Variants in GNAS observed in about 807,000 individuals in gnomAD.
The protein encoded by GNAS is GNAS complex locus.
In GNAS, 8 loss-of-function variants were observed where a neutral mutation model predicts 54.5. The ratio of observed to expected loss-of-function variants is 0.15; its 90% CI spans 0.09 to 0.26. The LOEUF (loss-of-function observed/expected upper bound fraction) is 0.26, where lower values mean the gene tolerates loss of function less well. GNAS is among the 10% of genes least tolerant of loss of function. GNAS has a pLI of 1.00. For missense variants in GNAS, 170 were observed against 529.8 expected (o/e 0.32, Z 6.67); for synonymous variants, 204 against 191.4 (o/e 1.07, Z -0.54).
intron 1 of GNAS, among the ~76,000 whole-genome samples, chr20:58,870,262 A>G (rs1184654359): frequency 6.6e-6 from 1 of 152,190 alleles, no homozygotes; most frequent in Non-Finnish European, 1.5e-5. Flanking sequence ...CTTTCCTACA[A>G]CATGATTCTC....
upstream of GNAS, among the ~76,000 whole-genome samples, chr20:58,889,991 G>A (rs1253331263): frequency 6.6e-6 from 1 of 151,424 alleles, no homozygotes; most frequent in Admixed American, 6.6e-5. Context: ...CTGCGGCGTT[G>A]GCCGAGCCGA....
chr20:58,861,105 T>G (rs947396351), intron 1 of GNAS, among the ~76,000 whole-genome samples: 1 of 152,222 alleles, frequency 6.6e-6, no homozygotes, highest in Admixed American at 6.5e-5. Context: ...CCCAGCAAAA[T>G]TGTGGCTCTT....
intron 1 of GNAS, among the ~76,000 whole-genome samples, chr20:58,859,141 A>G (rs1163070257): frequency 6.6e-6 from 1 of 152,150 alleles, no homozygotes; most frequent in African/African-American, 2.4e-5. Context: ...GAAAAGGAAA[A>G]TCTCACTGCT....
chr20:58,852,701 G>C (rs1047746481), intron 1 of GNAS: 1 of 199,212 alleles, frequency 5.0e-6, no homozygotes, highest in Non-Finnish European at 1.0e-5. Flanking sequence ...CTGGCCAGCG[G>C]AGAAGCGAGG....
At position 58,840,905 on chromosome 20, in the gene GNAS, AACTGGGG is replaced by A. The variant is rs1224959871; in HGVS notation, c.43+21_43+27del. The A allele has an allele frequency of 6.2e-7, 1 of 1,611,738 alleles. No homozygotes were observed. The highest frequency in any genetic ancestry group is 8.5e-7 in the Non-Finnish European group (1 of 1,179,476). ...GATTCAGGTTAGTTGCCCACCGCTA[AACTGGGG>A]AGCCTGAGGGCGGTGTGGGAGCAGC... On this transcript the variant is annotated intron_variant, in intron 1 of 12. Coordinates refer to the GNAS transcript ENST00000306090. The surrounding 1 kb of genome is among the most constrained non-coding windows in gnomAD (Gnocchi z 6.0).
At position 58,856,479 on chromosome 20, in the gene GNAS, G is replaced by T. The variant is rs1374043249; in HGVS notation, c.43+15593G>T. On this transcript the variant is annotated intron_variant, in intron 1 of 12. Coordinates refer to the GNAS transcript ENST00000306090. The surrounding 1 kb of genome is among the most constrained non-coding windows in gnomAD (Gnocchi z 4.2). Reference sequence around the variant, plus strand: ...AGGGGCTTGGTTTAAAAAGATGGGGGTTATGTGTTGTGAGTGGAATGTCAC... The same window carrying T: ...AGGGGCTTGGTTTAAAAAGATGGGGTTTATGTGTTGTGAGTGGAATGTCAC... 6.6e-6 allele frequency: 1 copy of T among 152,662 alleles called. No homozygotes were observed. Among genetic ancestry groups the T allele is most frequent in the Non-Finnish European group, 1.5e-5 (1 of 68,058 alleles). 9.5% of individuals were successfully genotyped at this position (152,662 alleles called of 1,614,324 possible). A position where few individuals can be genotyped will look rare whatever the true frequency, so the allele number is the denominator to read the frequency against.
At chr20:58,892,067 CG>C (rs1276645106) in intron 1 of GNAS, 3 of 855,254 alleles carry the variant, frequency 3.5e-6, no homozygotes, top group African/African-American at 1.8e-5. Context: ...AAAAACGGGG[CG>C]GGGGGCCGTG....
rs759196471 is a variant in GNAS, at chr20:58,891,858, G to A, written c.132G>A (p.Leu44=). Residue 44 remains leucine (L), a synonymous_variant, in exon 1 of 13, where the codon CTG becomes CTA. Transcript: ENST00000371085. ...KQVYRATHRL[L]LLGAGESGKS... ...TCTACCGGGCCACGCACCGCCTGCT[G>A]CTGCTGGGTAAGGGCGGGCGGGGGG... 4 of 1,225,536 alleles carry A rather than the reference G, an allele frequency of 3.3e-6. No individual in the cohort carries two copies. Among genetic ancestry groups the A allele is most frequent in the African/African-American group, 1.6e-5 (1 of 62,184 alleles). 75.9% of individuals were successfully genotyped at this position (1,225,536 alleles called of 1,614,324 possible). A position where few individuals can be genotyped will look rare whatever the true frequency, so the allele number is the denominator to read the frequency against.
intron 1 of GNAS, among the ~76,000 whole-genome samples, chr20:58,874,711 CT>C (rs2087691456): frequency 6.6e-6 from 1 of 151,994 alleles, no homozygotes; most frequent in African/African-American, 2.4e-5. Flanking sequence ...GGCCTGCCCT[CT>C]ATCTTTGCTG....
intron 1 of GNAS, among the ~76,000 whole-genome samples, chr20:58,866,736 A>G (rs2087091564): frequency 6.6e-6 from 1 of 151,894 alleles, no homozygotes; most frequent in South Asian, 2.1e-4. Flanking sequence ...ACTGAAACAG[A>G]TTCATTAGGG....
chr20:58,864,327 C>T (rs867241412), intron 1 of GNAS, among the ~76,000 whole-genome samples: 12 of 152,272 alleles, frequency 7.9e-5, no homozygotes, highest in African/African-American at 1.7e-4. Flanking sequence ...TTATAATCAG[C>T]CCCTCGATTT....
Position 58,841,710 on chromosome 20 carries a change from C to T in GNAS, c.43+824C>T, listed in dbSNP as rs2085737274. ...AGGTAAGGGGACCCTTGGGGATGCC[C>T]CTACGGGCTACCAGGGTTGAACGCA... On this transcript the variant is annotated intron_variant, in intron 1 of 12. Coordinates refer to the GNAS transcript ENST00000306090. This position sits in a 1 kb window ranked among gnomAD's most constrained non-coding sequence, Gnocchi z 5.0. The T allele has an allele frequency of 6.6e-6, 8 of 1,216,112 alleles. No individual in the cohort carries two copies. The highest frequency in any genetic ancestry group is 8.2e-6 in the Non-Finnish European group (8 of 978,266). 75.3% of individuals were successfully genotyped at this position (1,216,112 alleles called of 1,614,324 possible).
At chr20:58,845,166 G>A (rs570656634) in intron 1 of GNAS, among the ~76,000 whole-genome samples, 2 of 152,196 alleles carry the variant, frequency 1.3e-5, no homozygotes, top group Non-Finnish European at 2.9e-5. Context: ...AACCACTGTG[G>A]GGGACGGCAG....
chr20:58,896,770 CCTTT>C (rs1185332926), intron 2 of GNAS, among the ~76,000 whole-genome samples: 1 of 152,158 alleles, frequency 6.6e-6, no homozygotes, highest in Non-Finnish European at 1.5e-5. Context: ...AGTCCTGTTC[CCTTT>C]CTTAAACTTG....
At chr20:58,903,845 T>A (rs1034440678) in intron 5 of GNAS, 54 bp downstream of exon 5, 1 of 1,603,324 alleles carries the variant, frequency 6.2e-7, no homozygotes, top group African/African-American at 1.3e-5. Flanking sequence ...GAGCACAGTG[T>A]CCATATAGGA....
At chr20:58,855,130 G>T (rs1334915421) in intron 1 of GNAS, 1 of 1,613,498 alleles carries the variant, frequency 6.2e-7, no homozygotes, top group Non-Finnish European at 8.5e-7. Flanking sequence ...TGCTTCGGTC[G>T]ATCTGAGAGT....
upstream of GNAS, chr20:58,840,740 G>A: frequency 6.2e-7 from 1 of 1,605,570 alleles, no homozygotes; most frequent in Non-Finnish European, 8.5e-7. This position sits in a 1 kb window ranked among gnomAD's most constrained non-coding sequence, Gnocchi z 6.0. Context: ...GGAGCCCAAG[G>A]AGGAGAAGCA....
At chr20:58,840,639 C>T (rs374954928), upstream of GNAS, 6 of 1,605,926 alleles carry the variant, frequency 3.7e-6, no homozygotes, top group Admixed American at 1.7e-5. The surrounding 1 kb of genome is among the most constrained non-coding windows in gnomAD (Gnocchi z 6.0). Context: ...CCAAGTCGCG[C>T]GCCGCCCAGC....
chr20:58,890,270 C>T (rs2089036739), upstream of GNAS, among the ~76,000 whole-genome samples: 1 of 150,884 alleles, frequency 6.6e-6, no homozygotes, highest in South Asian at 2.1e-4. Context: ...CCGCCGCGGC[C>T]GCCGCCGACG....
Sources: allele counts gnomAD v4.1 joint callset (sites outside exome capture counted in the v4.1 genomes callset), GRCh38; gene constraint gnomAD v4.1.1; non-coding constraint Gnocchi (gnomAD v3.1); transcripts MANE v1.5; gene names NCBI Gene and HGNC (gene_info 2026-07-23, HGNC 2026-07-21).